The following PGBD2 variants were observed in gnomAD, a reference collection of about 807,000 sequenced individuals.
PGBD2 encodes piggyBac transposable element-derived protein 2.
PGBD2 carries 6 observed loss-of-function variants against 8.1 expected under a neutral mutation model. The observed-to-expected ratio is 0.74, with a 90% confidence interval of 0.40 to 1.46. PGBD2 has a LOEUF of 1.46. Ranked by LOEUF, PGBD2 falls within the 40% of genes most tolerant of loss-of-function variation. The pLI, the probability that PGBD2 is intolerant of heterozygous loss-of-function variation, is 0.02. For synonymous variants in PGBD2, 318 were observed against 272.2 expected, an observed-to-expected ratio of 1.17 and a Z score of -1.66; for missense variants, 802 against 739.0, an observed-to-expected ratio of 1.09 and a Z score of -0.99.
downstream of PGBD2, among the ~76,000 whole-genome samples, chr1:248,924,416 C>T (rs1184910803): frequency 6.6e-6 from 1 of 152,148 alleles, no homozygotes; most frequent in Non-Finnish European, 1.5e-5. Context: ...CTTGTATCTA[C>T]AGTAGAAGAT....
the PGBD2 span, among the ~76,000 whole-genome samples, chr1:248,888,840 T>C: frequency 6.6e-6 from 1 of 152,332 alleles, no homozygotes; most frequent in Non-Finnish European, 1.5e-5. Flanking sequence ...GTGTATTTCC[T>C]AGGTTTTCTT....
Position 248,916,853 on chromosome 1 carries a change from A to T in PGBD2, c.269A>T (p.Asn90Ile). The change falls in exon 3 of 3, where the codon AAT becomes ATT. Residue 90 changes from asparagine to isoleucine, a missense_variant. Coordinates refer to ENST00000329291, the MANE Select transcript of PGBD2 (RefSeq NM_170725.3). Reference protein sequence around the residue: ...LCEDSGTGEDNDDLELQPAKK... With the variant: ...LCEDSGTGEDIDDLELQPAKK... ...GAGGACTCTGGCACCGGGGAGGATA[A>T]TGACGACCTGGAGCTGCAGCCAGCC... 1 of 1,614,096 alleles carries T rather than the reference A, an allele frequency of 6.2e-7. No individual in the cohort carries two copies. The highest frequency in any genetic ancestry group is 8.5e-7 in the Non-Finnish European group (1 of 1,180,002).
upstream of PGBD2, among the ~76,000 whole-genome samples, chr1:248,904,269 ACGGG>A (rs1241043513): frequency 6.6e-6 from 1 of 151,566 alleles, no homozygotes; most frequent in Non-Finnish European, 1.5e-5. Flanking sequence ...TTCTAGCTTA[ACGGG>A]CTAAATTTTT....
chr1:248,922,414 T>A (rs1022433128), downstream of PGBD2, among the ~76,000 whole-genome samples: 2 of 152,232 alleles, frequency 1.3e-5, no homozygotes, highest in Non-Finnish European at 2.9e-5. Context: ...AGAGACCATT[T>A]GACTTCCTCT....
chr1:248,899,863 T>C, the PGBD2 span, among the ~76,000 whole-genome samples: 1 of 138,370 alleles, frequency 7.2e-6, no homozygotes, highest in African/African-American at 2.7e-5. Context: ...AGGAGAAGAA[T>C]CAAATAGATA....
intron 2 of PGBD2, among the ~76,000 whole-genome samples, chr1:248,915,331 T>C (rs1662058098): frequency 6.6e-6 from 1 of 152,260 alleles, no homozygotes; most frequent in Admixed American, 6.5e-5. Flanking sequence ...AAAAGCCAGA[T>C]ACATTCTGTA....
At chr1:248,891,830 A>C in the PGBD2 span, among the ~76,000 whole-genome samples, 1 of 152,250 alleles carries the variant, frequency 6.6e-6, no homozygotes, top group African/African-American at 2.4e-5. Flanking sequence ...TCTTTTTAAA[A>C]AAGAAAAAAA....
At chr1:248,901,455 A>G (rs1324617308), upstream of PGBD2, among the ~76,000 whole-genome samples, 1 of 152,216 alleles carries the variant, frequency 6.6e-6, no homozygotes, top group Admixed American at 6.5e-5. Flanking sequence ...CAACTATCTG[A>G]TCTTTGATAA....
chr1:248,884,588 G>A, the PGBD2 span, among the ~76,000 whole-genome samples: 2,168 of 152,106 alleles, frequency 0.014, 53 homozygotes, highest in African/African-American at 0.05. Context: ...CTGGTGATCC[G>A]CCCACCTCAT....
At chr1:248,900,505 G>A in the PGBD2 span, among the ~76,000 whole-genome samples, 3 of 152,082 alleles carry the variant, frequency 2.0e-5, no homozygotes, top group Admixed American at 6.5e-5. Flanking sequence ...CATGGTTGTC[G>A]CAATAGAAGC....
downstream of PGBD2, chr1:248,919,413 T>A (rs1347035169): frequency 1.2e-5 from 2 of 166,750 alleles, no homozygotes; most frequent in Non-Finnish European, 2.9e-5. Flanking sequence ...TGCAAATGAC[T>A]GAATATCATT....
chr1:248,916,896 A>G lies in PGBD2; in HGVS notation c.312A>G (p.Ala104=), dbSNP rs1412057780. The G allele has an allele frequency of 1.9e-6, 3 of 1,614,136 alleles. No individual in the cohort carries two copies. The part of the protein sequence containing the change: ...ELQPAKKRQK[A]VVKPQRIWTK... ...AGCCAGCCAAGAAGAGGCAGAAAGC[A>G]GTTGTGAAACCTCAGCGCATTTGGA... is the stretch of plus-strand genomic sequence containing the variant. The change falls in exon 3 of 3, where the codon GCA becomes GCG. Residue 104 remains alanine, a synonymous_variant. Transcript: ENST00000329291.
the PGBD2 span, among the ~76,000 whole-genome samples, chr1:248,877,498 C>G: frequency 1.3e-5 from 2 of 151,622 alleles, no homozygotes; most frequent in Non-Finnish European, 2.9e-5. Context: ...AAAGACCCAG[C>G]CTCCCAATGC....
chr1:248,877,321 C>T, the PGBD2 span, among the ~76,000 whole-genome samples: 2 of 152,134 alleles, frequency 1.3e-5, no homozygotes, highest in Non-Finnish European at 2.9e-5. Context: ...TCTAGAAACT[C>T]TTTGCCTAAA....
At position 248,917,997 on chromosome 1, in the gene PGBD2, C is replaced by T. The variant is rs1662177946; in HGVS notation, c.1413C>T (p.Ala471=). ...TTGGTAGGATGGATCAGAATATTGC[C>T]AAGTACAAGGTGAAGATCCGAGGCA... ...GGVGRMDQNI[A]KYKVKIRGMK... is the part of the protein sequence containing the mutation. Residue 471 remains alanine (A), a synonymous_variant, in exon 3 of 3, where the codon GCC becomes GCT. Coordinates refer to ENST00000329291, the MANE Select transcript of PGBD2 (RefSeq NM_170725.3). 1 of 1,614,004 alleles carries T rather than the reference C, an allele frequency of 6.2e-7. No individual in the cohort carries two copies. Among genetic ancestry groups the T allele is most frequent in the Non-Finnish European group, 8.5e-7 (1 of 1,180,024 alleles).
the PGBD2 span, among the ~76,000 whole-genome samples, chr1:248,893,080 G>A: frequency 6.6e-6 from 1 of 152,076 alleles, no homozygotes; most frequent in Non-Finnish European, 1.5e-5. Context: ...GATTTATTGA[G>A]GTATAATTGG....
At chr1:248,898,612 T>A in the PGBD2 span, among the ~76,000 whole-genome samples, 1 of 152,068 alleles carries the variant, frequency 6.6e-6, no homozygotes, top group African/African-American at 2.4e-5. Flanking sequence ...AAGGAAGCAC[T>A]AAATATGGAA....
the PGBD2 span, among the ~76,000 whole-genome samples, chr1:248,881,927 A>G: frequency 6.6e-6 from 1 of 152,230 alleles, no homozygotes; most frequent in Non-Finnish European, 1.5e-5. Context: ...AAGATTTGGA[A>G]TAAAATTCAT....
At position 248,916,792 on chromosome 1, in the gene PGBD2, C is replaced by A. The variant is rs756542360; in HGVS notation, c.208C>A (p.Leu70Ile). 1 of 1,614,198 alleles carries A rather than the reference C, an allele frequency of 6.2e-7. No homozygotes were observed. Among genetic ancestry groups the A allele is most frequent in the South Asian group, 1.1e-5 (1 of 91,090 alleles). The change falls in exon 3 of 3, where the codon CTA (leucine) becomes ATA (isoleucine). Residue 70 changes from leucine to isoleucine, a missense_variant. Coordinates refer to ENST00000329291, the MANE Select transcript of PGBD2 (RefSeq NM_170725.3). Reference sequence around the variant, plus strand: ...TGAAGACAGCCAGCGAGGTGCTCACCTACCTGGCAGTGTGCTGCATGCTTC... The same window carrying A: ...TGAAGACAGCCAGCGAGGTGCTCACATACCTGGCAGTGTGCTGCATGCTTC... Reference protein sequence around the residue: ...GDEDSQRGAHLPGSVLHASVL... With the variant: ...GDEDSQRGAHIPGSVLHASVL...
Sources: allele counts gnomAD v4.1 joint callset (sites outside exome capture counted in the v4.1 genomes callset), GRCh38; gene constraint gnomAD v4.1.1; transcripts MANE v1.5; gene names NCBI Gene and HGNC (gene_info 2026-07-23, HGNC 2026-07-21).